Variants in ITGA1 observed in about 807,000 individuals in gnomAD.
The protein encoded by ITGA1 is integrin subunit alpha 1, also known as integrin alpha-1.
In ITGA1, 85 loss-of-function variants were observed where a neutral mutation model predicts 145.9. That is an observed-to-expected ratio of 0.58 (90% CI 0.49 to 0.70). The LOEUF (loss-of-function observed/expected upper bound fraction) is 0.70, where lower values mean the gene tolerates loss of function less well. Ranked by LOEUF, ITGA1 falls within the 30% of genes least tolerant of loss-of-function variation. ITGA1 has a pLI of 0.00. For missense variants in ITGA1, 1,351 were observed against 1,418.7 expected (o/e 0.95, Z 0.77); for synonymous variants, 520 against 495.3 (o/e 1.05, Z -0.66).
At chr5:52,886,594 A>G (rs887635216) in intron 7 of ITGA1, among the ~76,000 whole-genome samples, 1 of 152,184 alleles carries the variant, frequency 6.6e-6, no homozygotes, top group Non-Finnish European at 1.5e-5. Flanking sequence ...GTCCTAAATA[A>G]AATATACTCA....
intron 11 of ITGA1, chr5:52,903,764 C>G (rs1750352794): frequency 6.6e-6 from 1 of 152,162 alleles, no homozygotes; most frequent in Non-Finnish European, 1.5e-5. Context: ...TTTATAAAAT[C>G]AAAATCTGCA....
chr5:52,817,689 G>C (rs1748798618), intron 1 of ITGA1, among the ~76,000 whole-genome samples: 1 of 152,142 alleles, frequency 6.6e-6, no homozygotes, highest in Non-Finnish European at 1.5e-5. Context: ...TCATCTACCA[G>C]AATGTTACCC....
In ITGA1 at chr5:52,908,974, GA is replaced by G; in HGVS notation, c.1533del (p.Ala512ProfsTer29). The G allele has an allele frequency of 6.2e-7, 1 of 1,613,834 alleles. No individual in the cohort carries two copies. Among genetic ancestry groups the G allele is most frequent in the Admixed American group, 1.7e-5 (1 of 59,998 alleles). On this transcript the variant is annotated frameshift_variant, in exon 13 of 29. Coordinates refer to ENST00000282588, the MANE Select transcript of ITGA1 (RefSeq NM_181501.2). LOFTEE classifies it high-confidence loss of function. ...TCTAATACTGACATTCTTCTAGTCG[GA>G]GCCCCTATGTACATGGGAACAGAGA... Reference protein sequence around the residue: ...KDSNTDILLVGAPMYMGTEKE... With the variant: ...KDSNTDILLVXAPMYMGTEKE...
In ITGA1 at chr5:52,898,240, A is replaced by G. The variant is rs763730010; in HGVS notation, c.1166A>G (p.Asp389Gly). The change falls in exon 11 of 29, where the codon GAC becomes GGC. Residue 389 changes from aspartate (D) to glycine (G), a missense_variant and splice_region_variant. Physicochemically the swap from Asp to Gly is moderately conservative, Grantham distance 94. Coordinates refer to ENST00000282588, the MANE Select transcript of ITGA1 (RefSeq NM_181501.2). ...QTGFSAHYSQ[D>G]WVMLGAVGAY... is the part of the protein sequence containing the mutation. ...TTATCTTATTTATTTGCATGTAAGG[A>G]CTGGGTCATGCTTGGAGCAGTAGGA... The G allele has an allele frequency of 1.3e-6, 2 of 1,551,510 alleles. No individual in the cohort carries two copies. Among genetic ancestry groups the G allele is most frequent in the Non-Finnish European group, 8.7e-7 (1 of 1,150,514 alleles).
At chr5:52,905,409 T>C (rs1750384355) in intron 11 of ITGA1, 1 of 158,586 alleles carries the variant, frequency 6.3e-6, no homozygotes, top group African/African-American at 2.4e-5. Flanking sequence ...AAAGTGTTAA[T>C]TTCTGTAGTG....
chr5:52,915,405 T>C, intron 14 of ITGA1, 59 bp from the exon 15 acceptor site: 2 of 1,529,300 alleles, frequency 1.3e-6, no homozygotes, highest in Non-Finnish European at 1.8e-6. Flanking sequence ...TCAGATTTAT[T>C]TGAAACTGTT....
intron 16 of ITGA1, 107 bp from the exon 17 acceptor site, chr5:52,920,221 TTTGA>T: frequency 2.5e-6 from 2 of 803,244 alleles, no homozygotes; most frequent in South Asian, 4.2e-5. Context: ...TAGAATCTTT[TTTGA>T]TTGATTGCCA....
At position 52,887,848 on chromosome 5, in the gene ITGA1, A is replaced by G. The variant is rs1245082828; in HGVS notation, c.807A>G (p.Arg269=). The G allele has an allele frequency of 4.3e-6, 7 of 1,613,758 alleles. No homozygotes were observed. Among genetic ancestry groups the G allele is most frequent in the Non-Finnish European group, 4.2e-6 (5 of 1,179,756 alleles). ...KEAFTEARGA[R]RGVKKVMVIV... ...CATTCACGGAAGCCCGGGGTGCCCG[A>G]AGAGGAGTTAAAAAAGTCATGGTTA... The change falls in exon 8 of 29, where the codon CGA becomes CGG. Residue 269 remains arginine (R), a synonymous_variant. Transcript: ENST00000282588.
chr5:52,800,333 C>A, intron 1 of ITGA1: 1 of 1,589,282 alleles, frequency 6.3e-7, no homozygotes. Flanking sequence ...TCCCCTCTCC[C>A]GGGGCGGAGG....
chr5:52,801,298 TC>T (rs1303885598), intron 1 of ITGA1: 2 of 1,146,132 alleles, frequency 1.7e-6, no homozygotes, highest in African/African-American at 3.1e-5. Context: ...GGAGTAAACT[TC>T]GCTGAAACAT....
At chr5:52,837,553 G>T (rs1433871347) in intron 1 of ITGA1, among the ~76,000 whole-genome samples, 3 of 151,946 alleles carry the variant, frequency 2.0e-5, no homozygotes, top group Non-Finnish European at 4.4e-5. Context: ...CCTCTACCCT[G>T]AATTTTAAGA....
At chr5:52,800,144 T>A (rs868452784) in intron 1 of ITGA1, 2 of 523,230 alleles carry the variant, frequency 3.8e-6, no homozygotes, top group African/African-American at 3.8e-5. Flanking sequence ...TGTGTAGGGG[T>A]AGATTTTCGC....
At chr5:52,850,147 G>A (rs546131827) in intron 2 of ITGA1, among the ~76,000 whole-genome samples, 7 of 151,866 alleles carry the variant, frequency 4.6e-5, no homozygotes, top group South Asian at 2.1e-4. Context: ...GATTACAGGC[G>A]TGTACCACCA....
intron 2 of ITGA1, among the ~76,000 whole-genome samples, chr5:52,857,183 C>T (rs1749527837): frequency 6.6e-6 from 1 of 152,174 alleles, no homozygotes. Context: ...AAGTCAAAGT[C>T]GTGTTGCAAA....
rs543119928 is a variant in ITGA1 at position 52,872,428 on chromosome 5, C to T, written c.624+6611C>T. On this transcript the variant is annotated intron_variant, in intron 6 of 28. Transcript: ENST00000282588. ...ATTCCGAAGTGAGTTCAGAACATTTCCCTAATAACAAACAAAAAAGAAACA... is the reference window on the plus strand; with the variant it reads ...ATTCCGAAGTGAGTTCAGAACATTTTCCTAATAACAAACAAAAAAGAAACA... Among the ~76,000 whole-genome samples the T allele has an allele frequency of 3.7e-4, 57 of 152,148 alleles. 1 individual carries two copies. In the East Asian group the frequency reaches 9.9e-3, roughly 26 times the overall value.
In ITGA1 at chr5:52,910,594, CACAA is replaced by C. The variant is rs201038885; in HGVS notation, c.1857+182_1857+185del. On this transcript the variant is annotated intron_variant, in intron 14 of 28. Transcript: ENST00000282588. ...ATTAGTTACTATATATATATACACA[CACAA>C]ACAAACTATAAATATACACATAGTA... Among the ~76,000 whole-genome samples, 1,466 of 149,358 alleles carry C rather than the reference CACAA, an allele frequency of 9.8e-3. 11 individuals carry two copies. Among genetic ancestry groups the C allele is most frequent in the African/African-American group, 0.028 (1,149 of 40,706 alleles).
intron 8 of ITGA1, among the ~76,000 whole-genome samples, chr5:52,889,293 G>A (rs1354024705): frequency 6.6e-6 from 1 of 152,006 alleles, no homozygotes; most frequent in Non-Finnish European, 1.5e-5. Flanking sequence ...GTAGAGATGG[G>A]GTTTCACCAT....
Position 52,925,382 on chromosome 5 carries a change from T to A in ITGA1, c.2508T>A (p.Asn836Lys). The change falls in exon 19 of 29, where the codon AAT (asparagine) becomes AAA (lysine). Residue 836 changes from asparagine to lysine, a missense_variant. Asn to Lys is a moderately conservative substitution (Grantham distance 94). Coordinates refer to ENST00000282588, the MANE Select transcript of ITGA1 (RefSeq NM_181501.2). ...EKDLLIVRSQ[N>K]DKFNVSLTVK... ...ACCTGCTGATTGTCCGATCCCAGAA[T>A]GATAAGTTCAACGTTAGCCTCACAG... The A allele has an allele frequency of 6.2e-7, 1 of 1,614,066 alleles. No individual in the cohort carries two copies. The highest frequency in any genetic ancestry group is 2.2e-5 in the East Asian group (1 of 44,870).
intron 14 of ITGA1, among the ~76,000 whole-genome samples, chr5:52,911,773 T>C (rs199641922): frequency 0.034 from 1,806 of 52,770 alleles, no homozygotes; most frequent in Non-Finnish European, 0.052. Flanking sequence ...CTACTATATA[T>C]ACTATATATA....
Sources: allele counts gnomAD v4.1 joint callset (sites outside exome capture counted in the v4.1 genomes callset), GRCh38; gene constraint gnomAD v4.1.1; transcripts MANE v1.5; gene names NCBI Gene and HGNC (gene_info 2026-07-23, HGNC 2026-07-21).